HEATR4: variants seen among roughly 807,000 people sequenced by gnomAD.
HEATR4 encodes HEAT repeat-containing protein 4.
A neutral mutation model predicts 108.8 loss-of-function variants in HEATR4; 95 were observed. That is an observed-to-expected ratio of 0.87 (90% confidence interval 0.74 to 1.04). The LOEUF is 1.04. Ranked by LOEUF, HEATR4 falls within the 50% of genes least tolerant of loss-of-function variation. The probability of loss-of-function intolerance (pLI) is 0.00; values close to 1 mark genes in which losing one functional copy is unlikely to be tolerated. For missense variants in HEATR4, 1,152 were observed against 1,253.8 expected, an observed-to-expected ratio of 0.92 and a Z score of 1.23; for synonymous variants, 443 against 459.4, an observed-to-expected ratio of 0.96 and a Z score of 0.46.
intron 17 of HEATR4, among the ~76,000 whole-genome samples, chr14:73,490,149 A>G (rs1885622066): frequency 6.6e-6 from 1 of 152,086 alleles, no homozygotes; most frequent in East Asian, 1.9e-4. Flanking sequence ...TTTTGAGACA[A>G]GAGTCTCACT....
chr14:73,601,201 G>A, the HEATR4 span, among the ~76,000 whole-genome samples: 1 of 152,032 alleles, frequency 6.6e-6, no homozygotes, highest in East Asian at 1.9e-4. Context: ...TGACCCATCA[G>A]GTAAATGTAC....
chr14:73,633,022 T>C, the HEATR4 span, among the ~76,000 whole-genome samples: 1 of 147,214 alleles, frequency 6.8e-6, no homozygotes, highest in African/African-American at 2.5e-5. Flanking sequence ...TTTTTTTTTT[T>C]GAGATGGGGT....
In HEATR4 at chr14:73,492,708, A is replaced by G. The variant is rs1269036571; in HGVS notation, c.2844+358T>C. On this transcript the variant is annotated intron_variant, in intron 17 of 17. Transcript: ENST00000553558. The surrounding 1 kb of genome is among the most constrained non-coding windows in gnomAD (Gnocchi z 4.9). ...GCTCGGCTGGTGGGTGAGGGGGGCCATTTGTTTCTCTATTACACAGTGGAA... is the reference window on the plus strand; with the variant it reads ...GCTCGGCTGGTGGGTGAGGGGGGCCGTTTGTTTCTCTATTACACAGTGGAA... 2.2e-5 allele frequency: 35 copies of G among 1,613,792 alleles called. No individual in the cohort carries two copies. Among genetic ancestry groups the G allele is most frequent in the Non-Finnish European group, 2.9e-5 (34 of 1,179,878 alleles).
Position 73,517,511 on chromosome 14 carries a change from T to C in HEATR4, c.1210+1512A>G, listed in dbSNP as rs138251782. 933 of 151,794 alleles carry C rather than the reference T, an allele frequency of 6.1e-3. 2 individuals carry two copies. The highest frequency in any genetic ancestry group is 0.01 in the Middle Eastern group (3 of 294). 9.4% of individuals were successfully genotyped at this position (151,794 alleles called of 1,614,324 possible). A position where few individuals can be genotyped will look rare whatever the true frequency, so the allele number is the denominator to read the frequency against. On this transcript the variant is annotated intron_variant, in intron 5 of 17. Transcript: ENST00000553558. ...GGGCAACACAGCAAGACCTTGTCTT[T>C]ACAAAAATTAGCTGGGTATAGTGGT...
At chr14:73,578,540 T>A in the HEATR4 span, among the ~76,000 whole-genome samples, 1 of 152,114 alleles carries the variant, frequency 6.6e-6, no homozygotes, top group African/African-American at 2.4e-5. Context: ...AGTTAGTCTT[T>A]ATTAGTTATT....
At chr14:73,624,336 C>A in the HEATR4 span, among the ~76,000 whole-genome samples, 1 of 152,090 alleles carries the variant, frequency 6.6e-6, no homozygotes, top group East Asian at 1.9e-4. Context: ...GCCATGTTGC[C>A]CAGGCTGGTC....
the HEATR4 span, among the ~76,000 whole-genome samples, chr14:73,566,182 C>T: frequency 6.6e-6 from 1 of 152,082 alleles, no homozygotes; most frequent in African/African-American, 2.4e-5. Context: ...GAGCTAGATA[C>T]AGAGTGCCGA....
the HEATR4 span, among the ~76,000 whole-genome samples, chr14:73,623,982 G>A: frequency 3.9e-5 from 6 of 151,918 alleles, no homozygotes; most frequent in Admixed American, 1.3e-4. Context: ...CTGCAGAACC[G>A]TGAGCCAAAT....
the HEATR4 span, among the ~76,000 whole-genome samples, chr14:73,586,937 TCAAG>T: frequency 6.6e-6 from 1 of 152,088 alleles, no homozygotes; most frequent in African/African-American, 2.4e-5. Context: ...ACTTCTGGTC[TCAAG>T]CAGTCTTCCC....
At position 73,553,637 on chromosome 14, in the gene HEATR4, T is replaced by G. The variant is rs376059084; in HGVS notation, c.-152+5114A>C. On this transcript the variant is annotated intron_variant, in intron 1 of 17. Coordinates refer to ENST00000553558, the MANE Select transcript of HEATR4 (RefSeq NM_001220484.1). ...TATAGGAGACTATTGTTTTGCTTTT[T>G]TTTTGTTTTGTTTTTGAGATAGAGT... Among the ~76,000 whole-genome samples, 14 of 114,988 alleles carry G rather than the reference T, an allele frequency of 1.2e-4. 4 individuals carry two copies. The highest frequency in any genetic ancestry group is 2.5e-4 in the Non-Finnish European group (13 of 52,194). The allele number at this position is 114,988 out of a possible 152,430, so 75.4% of individuals were successfully genotyped here. A position where few individuals can be genotyped will look rare whatever the true frequency, so the allele number is the denominator to read the frequency against.
chr14:73,584,760 T>C, the HEATR4 span, among the ~76,000 whole-genome samples: 2 of 148,198 alleles, frequency 1.3e-5, no homozygotes, highest in East Asian at 3.9e-4. Flanking sequence ...GCCTTCTCCT[T>C]CTGAGCTTGG....
At chr14:73,491,360 C>G in intron 17 of HEATR4, 3 of 1,381,574 alleles carry the variant, frequency 2.2e-6, no homozygotes, top group Non-Finnish European at 2.8e-6. Flanking sequence ...CGCGCGCTCC[C>G]TGCAGACCCC....
the HEATR4 span, chr14:73,591,892 G>A: frequency 3.1e-5 from 41 of 1,314,446 alleles, no homozygotes; most frequent in Non-Finnish European, 3.9e-5. Flanking sequence ...CCGGACATTC[G>A]GCGCGCTTGC....
At chr14:73,569,905 T>C in the HEATR4 span, 117 of 1,596,660 alleles carry the variant, frequency 7.3e-5, 3 homozygotes, top group South Asian at 1.3e-3. Context: ...CCGCTAATTG[T>C]TCCGTGTTCG....
the HEATR4 span, among the ~76,000 whole-genome samples, chr14:73,576,420 T>C: frequency 2.6e-5 from 4 of 152,168 alleles, no homozygotes; most frequent in East Asian, 7.7e-4. Flanking sequence ...TTTATACATA[T>C]GGACTTTTAG....
chr14:73,505,915 G>C (rs1886787858), intron 10 of HEATR4, among the ~76,000 whole-genome samples: 1 of 133,474 alleles, frequency 7.5e-6, no homozygotes, highest in African/African-American at 2.7e-5. Context: ...TTTTGAGATG[G>C]AGTCTCCCTC....
intron 10 of HEATR4, among the ~76,000 whole-genome samples, chr14:73,505,793 A>G (rs1886771071): frequency 6.6e-6 from 1 of 151,586 alleles, no homozygotes; most frequent in Admixed American, 6.6e-5. Flanking sequence ...TTCTCGAATG[A>G]TCTTTGATGA....
chr14:73,606,812 C>T, the HEATR4 span, among the ~76,000 whole-genome samples: 50,898 of 152,050 alleles, frequency 0.33, 9,914 homozygotes, highest in East Asian at 0.64. Context: ...GTGATCTTAG[C>T]TACTGAGCTA....
At chr14:73,561,977 T>C (rs1889536738), upstream of HEATR4, among the ~76,000 whole-genome samples, 1 of 152,028 alleles carries the variant, frequency 6.6e-6, no homozygotes, top group Non-Finnish European at 1.5e-5. Flanking sequence ...CAGAGCAAAA[T>C]TCCTGGGGAG....
Sources: allele counts gnomAD v4.1 joint callset (sites outside exome capture counted in the v4.1 genomes callset), GRCh38; gene constraint gnomAD v4.1.1; non-coding constraint Gnocchi (gnomAD v3.1); transcripts MANE v1.5; gene names NCBI Gene and HGNC (gene_info 2026-07-23, HGNC 2026-07-21).